LRRC53: variants seen among roughly 807,000 people sequenced by gnomAD.
LRRC53 encodes the protein leucine-rich repeat-containing protein 53.
LRRC53 carries 25 observed loss-of-function variants against 13.6 expected under a neutral mutation model. The observed-to-expected ratio is 1.83, with a 90% CI of 1.34 to 2.56. LRRC53 has a LOEUF of 2.56. Among genes scored for constraint, LRRC53 ranks in the 30% most tolerant of loss-of-function variants. The pLI, the probability that LRRC53 is intolerant of heterozygous loss-of-function variation, is 0.00. For missense variants in LRRC53, 527 were observed against 275.8 expected (o/e 1.91, Z -6.45); for synonymous variants, 204 against 109.8 (o/e 1.86, Z -5.37).
At chr1:74,536,963 A>G in the LRRC53 span, among the ~76,000 whole-genome samples, 1 of 152,184 alleles carries the variant, frequency 6.6e-6, no homozygotes, top group Non-Finnish European at 1.5e-5. Context: ...GGGTGGAAAC[A>G]GCTAGTTCCA....
At chr1:74,488,141 G>A (rs1668861129) in intron 1 of LRRC53, among the ~76,000 whole-genome samples, 1 of 152,144 alleles carries the variant, frequency 6.6e-6, no homozygotes, top group Non-Finnish European at 1.5e-5. Flanking sequence ...CCCAAAGAAT[G>A]AGGGGGTGTG....
At position 74,469,922 on chromosome 1, in the gene LRRC53, G is replaced by A. The variant is rs138874311; in HGVS notation, c.3700C>T (p.Pro1234Ser). Residue 1234 changes from proline (P) to serine (S), a missense_variant, in exon 5 of 5, where the codon CCA (proline) becomes TCA (serine). Transcript: ENST00000294635. ...GATGTAGTAGCATATTCAGCAGATG[G>A]TGGATACAGTACAGGTTTTGGAGCA... ...NSAPKPVLYP[P>S]SAEYATTSPL... 143 of 400,596 alleles carry A rather than the reference G, an allele frequency of 3.6e-4. 1 individual carries two copies. The East Asian group carries it at 5.1e-3, about 14-fold the overall frequency. The allele number at this position is 400,596 out of a possible 1,614,324, so 24.8% of individuals were successfully genotyped here. A position where few individuals can be genotyped will look rare whatever the true frequency, so the allele number is the denominator to read the frequency against.
Position 74,480,726 on chromosome 1 carries a change from C to T in LRRC53, c.331G>A (p.Val111Ile), listed in dbSNP as rs1458728282. 2.8e-6 allele frequency: 2 copies of T among 717,472 alleles called. No homozygotes were observed. Among genetic ancestry groups the T allele is most frequent in the East Asian group, 2.7e-5 (1 of 37,288 alleles). The allele number at this position is 717,472 out of a possible 1,614,324, so 44.4% of individuals were successfully genotyped here. A position where few individuals can be genotyped will look rare whatever the true frequency, so the allele number is the denominator to read the frequency against. The part of the protein sequence containing the change: ...HTFSKLHSLQ[V>I]LVLSNNALRT... ...AGAGCATTATTGCTCAGCACCAGTA[C>T]CTGCAGGCTGTGAAGCTTGCTGAAG... Residue 111 changes from valine to isoleucine, a missense_variant, in exon 3 of 5, where the codon GTA (valine) becomes ATA (isoleucine). Physicochemically the swap from Val to Ile is conservative, Grantham distance 29. Transcript: ENST00000294635.
At chr1:74,503,686 T>C (rs1254447420) in intron 1 of LRRC53, among the ~76,000 whole-genome samples, 1 of 152,162 alleles carries the variant, frequency 6.6e-6, no homozygotes, top group Non-Finnish European at 1.5e-5. Context: ...AGTGGCAAAA[T>C]ATAAAAGGCA....
chr1:74,479,526 C>T (rs1668374306), intron 3 of LRRC53, among the ~76,000 whole-genome samples: 1 of 152,192 alleles, frequency 6.6e-6, no homozygotes, highest in Non-Finnish European at 1.5e-5. Context: ...TTAGATAATG[C>T]ATCCAAAGTC....
chr1:74,518,628 T>C, the LRRC53 span, among the ~76,000 whole-genome samples: 2 of 152,170 alleles, frequency 1.3e-5, no homozygotes, highest in South Asian at 4.1e-4. Context: ...GGGAGCACAC[T>C]GTCAGTGCAG....
chr1:74,490,014 A>G (rs1557602128), intron 1 of LRRC53, among the ~76,000 whole-genome samples: 1 of 150,596 alleles, frequency 6.6e-6, no homozygotes, highest in African/African-American at 2.5e-5. Flanking sequence ...CTAAGTCTCA[A>G]AGTGGAACCA....
chr1:74,516,665 C>T (rs529832701), upstream of LRRC53, among the ~76,000 whole-genome samples: 45 of 152,210 alleles, frequency 3.0e-4, no homozygotes, highest in African/African-American at 9.9e-4. Context: ...TGGTCAGCCA[C>T]GTTTAAAAAG....
At chr1:74,533,501 T>C in the LRRC53 span, among the ~76,000 whole-genome samples, 56 of 152,234 alleles carry the variant, frequency 3.7e-4, no homozygotes, top group African/African-American at 1.3e-3. Flanking sequence ...GAAGTCAGTG[T>C]GGTGATTCCT....
chr1:74,525,887 G>T, the LRRC53 span, among the ~76,000 whole-genome samples: 1 of 152,174 alleles, frequency 6.6e-6, no homozygotes, highest in South Asian at 2.1e-4. Flanking sequence ...CACATTACTG[G>T]CAAGAGAAGA....
Position 74,512,530 on chromosome 1 carries a change from A to C in LRRC53, c.-31T>G, listed in dbSNP as rs1670281688. On this transcript the variant is annotated 5_prime_UTR_variant, in exon 1 of 5. Coordinates refer to ENST00000294635, the MANE Select transcript of LRRC53 (RefSeq NM_001382280.1). Reference sequence around the variant, plus strand: ...AAAAGAAAGAAATTAACTTACCCAAAGGTCTCACAGCTTGTAGTTTGTGAA... The same window carrying C: ...AAAAGAAAGAAATTAACTTACCCAACGGTCTCACAGCTTGTAGTTTGTGAA... 1 of 152,204 alleles carries C rather than the reference A, an allele frequency of 6.6e-6. No individual in the cohort carries two copies. Among genetic ancestry groups the C allele is most frequent in the South Asian group, 2.1e-4 (1 of 4,836 alleles). The allele number at this position is 152,204 out of a possible 1,614,324, so 9.4% of individuals were successfully genotyped here. A position where few individuals can be genotyped will look rare whatever the true frequency, so the allele number is the denominator to read the frequency against.
chr1:74,470,992 G>A lies in LRRC53; in HGVS notation c.2630C>T (p.Ala877Val), dbSNP rs780599948. Residue 877 changes from alanine to valine, a missense_variant, in exon 5 of 5, where the codon GCA (alanine) becomes GTA (valine). By Grantham distance (64) the Ala-to-Val change is moderately conservative (BLOSUM62 0). Transcript: ENST00000294635. ...ACTTCCTGTATTTTCCCAAGTAGTT[G>A]CTAAATAACTAAGCACTTTTGATTC... ...QLESKVLSYLATTWENTGSDV... is the reference protein window; with the variant it reads ...QLESKVLSYLVTTWENTGSDV... The A allele has an allele frequency of 5.0e-5, 20 of 400,566 alleles. No individual in the cohort carries two copies. The highest frequency in any genetic ancestry group is 8.8e-5 in the Admixed American group (2 of 22,716). The allele number at this position is 400,566 out of a possible 1,614,324, so 24.8% of individuals were successfully genotyped here. A position where few individuals can be genotyped will look rare whatever the true frequency, so the allele number is the denominator to read the frequency against.
intron 3 of LRRC53, among the ~76,000 whole-genome samples, chr1:74,478,306 T>C (rs1403233394): frequency 1.3e-5 from 2 of 152,186 alleles, no homozygotes; most frequent in Non-Finnish European, 2.9e-5. Flanking sequence ...ACTTAACATA[T>C]ATGTAATCAT....
the LRRC53 span, among the ~76,000 whole-genome samples, chr1:74,525,947 T>C: frequency 6.6e-6 from 1 of 152,314 alleles, no homozygotes; most frequent in East Asian, 1.9e-4. Context: ...CATTTTGTTA[T>C]TCAGGGTCTG....
Position 74,471,933 on chromosome 1 carries a change from AG to A in LRRC53, c.1688del (p.Pro563LeufsTer24). 2.0e-6 allele frequency: 1 copy of A among 507,130 alleles called. No homozygotes were observed. The highest frequency in any genetic ancestry group is 3.5e-6 in the Non-Finnish European group (1 of 284,664). The allele number at this position is 507,130 out of a possible 1,614,324, so 31.4% of individuals were successfully genotyped here. On this transcript the variant is annotated frameshift_variant, in exon 5 of 5. Coordinates refer to ENST00000294635, the MANE Select transcript of LRRC53 (RefSeq NM_001382280.1). LOFTEE classifies it low-confidence loss of function (END_TRUNC). ...GAGAATTGTTTGGCTGAAAATACCT[AG>A]GTTTGCTCTGTTTTAACAGTCCACA... Reference protein sequence around the residue: ...DPCGLLKQSKPRYFQPNNSLI... With the variant: ...DPCGLLKQSKXRYFQPNNSLI...
chr1:74,477,329 G>A (rs1668253225), intron 3 of LRRC53, among the ~76,000 whole-genome samples: 1 of 151,666 alleles, frequency 6.6e-6, no homozygotes, highest in South Asian at 2.1e-4. Flanking sequence ...TACTACCCAG[G>A]GATTAAATAA....
At chr1:74,478,243 C>T (rs564921941) in intron 3 of LRRC53, among the ~76,000 whole-genome samples, 1 of 152,220 alleles carries the variant, frequency 6.6e-6, no homozygotes, top group South Asian at 2.1e-4. Flanking sequence ...CAAAGCACTA[C>T]AATTTAACAA....
chr1:74,529,878 G>A, the LRRC53 span, among the ~76,000 whole-genome samples: 1 of 152,144 alleles, frequency 6.6e-6, no homozygotes, highest in Non-Finnish European at 1.5e-5. Flanking sequence ...GTGAACCAGG[G>A]CTTGTTCTTC....
Position 74,480,196 on chromosome 1 carries a change from G to A in LRRC53, c.861C>T (p.Leu287=). 1 of 717,470 alleles carries A rather than the reference G, an allele frequency of 1.4e-6. No homozygotes were observed. The allele number at this position is 717,470 out of a possible 1,614,324, so 44.4% of individuals were successfully genotyped here. The part of the protein sequence containing the change: ...TLVLKDRSPL[L]PGPDVALLTV... ...TCAGCAGGGCCACATCTGGTCCTGGGAGGAGGGGACTTCTGTCCTTTAGAA... is the reference window on the plus strand; with the variant it reads ...TCAGCAGGGCCACATCTGGTCCTGGAAGGAGGGGACTTCTGTCCTTTAGAA... The change falls in exon 3 of 5, where the codon CTC becomes CTT. Residue 287 remains leucine (L), a synonymous_variant. Transcript: ENST00000294635.
Sources: gnomAD v4.1 joint callset for allele counts (sites outside exome capture counted in the v4.1 genomes callset) on GRCh38, gnomAD v4.1.1 for gene constraint, MANE v1.5 for transcripts, NCBI Gene and HGNC (gene_info 2026-07-23, HGNC 2026-07-21) for gene names.